The following NPAS3 variants were observed in gnomAD, a reference collection of about 807,000 sequenced individuals.
The protein encoded by NPAS3 is neuronal PAS domain protein 3.
Under a neutral mutation model 73.1 loss-of-function variants are expected in NPAS3, and 14 were observed. That is an observed-to-expected ratio of 0.19 (90% CI 0.13 to 0.30). NPAS3 has a LOEUF of 0.30. Ranked by LOEUF, NPAS3 falls within the 10% of genes least tolerant of loss-of-function variation. The probability of loss-of-function intolerance (pLI) is 1.00; values close to 1 mark genes in which losing one functional copy is unlikely to be tolerated. For missense variants in NPAS3, 1,096 were observed against 1,250.0 expected (o/e 0.88, Z 1.86); for synonymous variants, 620 against 541.5 (o/e 1.14, Z -2.01).
chr14:33,367,637 T>C (rs1347487229), intron 4 of NPAS3, among the ~76,000 whole-genome samples: 1 of 151,302 alleles, frequency 6.6e-6, no homozygotes, highest in Non-Finnish European at 1.5e-5. Context: ...AGCAAAGTTT[T>C]GTTGTGAAAG....
chr14:33,603,602 A>G (rs1648103859), intron 5 of NPAS3, among the ~76,000 whole-genome samples: 1 of 152,198 alleles, frequency 6.6e-6, no homozygotes, highest in African/African-American at 2.4e-5. Flanking sequence ...TAGATGCAGA[A>G]CAATGAGAAG....
intron 1 of NPAS3, among the ~76,000 whole-genome samples, chr14:32,986,750 C>T (rs891775963): frequency 1.3e-5 from 2 of 152,122 alleles, no homozygotes; most frequent in Non-Finnish European, 2.9e-5. Context: ...TTAACAGCAG[C>T]GTTGTAGCTT....
intron 5 of NPAS3, among the ~76,000 whole-genome samples, chr14:33,582,404 A>G (rs1322727470): frequency 2.6e-5 from 4 of 152,200 alleles, no homozygotes; most frequent in African/African-American, 4.8e-5. Context: ...TAGAGAAGCA[A>G]TGTGGTTTTT....
chr14:33,622,496 A>T (rs909442825), intron 5 of NPAS3, among the ~76,000 whole-genome samples: 3 of 152,200 alleles, frequency 2.0e-5, no homozygotes, highest in Non-Finnish European at 4.4e-5. Flanking sequence ...TGTTTCCCTC[A>T]TGAGAAAATT....
At chr14:33,685,725 CATT>C (rs1384382565) in intron 6 of NPAS3, among the ~76,000 whole-genome samples, 1 of 152,208 alleles carries the variant, frequency 6.6e-6, no homozygotes, top group African/African-American at 2.4e-5. Flanking sequence ...ATTCTGATAA[CATT>C]AATGATATAT....
intron 5 of NPAS3, among the ~76,000 whole-genome samples, chr14:33,672,814 A>G (rs934597498): frequency 4.6e-5 from 7 of 152,204 alleles, no homozygotes; most frequent in Non-Finnish European, 5.9e-5. Context: ...AAACTTGAAC[A>G]TGCATTTTAA....
At chr14:33,409,682 A>G (rs1323615770) in intron 4 of NPAS3, among the ~76,000 whole-genome samples, 1 of 152,202 alleles carries the variant, frequency 6.6e-6, no homozygotes, top group Non-Finnish European at 1.5e-5. Flanking sequence ...TTCATTAGCT[A>G]TGATTCCAGA....
At chr14:33,564,759 C>A (rs1361303690) in intron 5 of NPAS3, among the ~76,000 whole-genome samples, 1 of 152,152 alleles carries the variant, frequency 6.6e-6, no homozygotes, top group African/African-American at 2.4e-5. Flanking sequence ...TGAGGTGAGA[C>A]AGGATAATTC....
chr14:33,544,869 A>G (rs1009637974), intron 4 of NPAS3, among the ~76,000 whole-genome samples: 4 of 136,574 alleles, frequency 2.9e-5, no homozygotes, highest in African/African-American at 8.4e-5. Context: ...TATAATATAT[A>G]TATGTATGTA....
At chr14:33,430,041 T>C (rs1356508162) in intron 4 of NPAS3, among the ~76,000 whole-genome samples, 1 of 152,114 alleles carries the variant, frequency 6.6e-6, no homozygotes, top group East Asian at 1.9e-4. Flanking sequence ...GTTAGTGTCA[T>C]TTATGGAGCT....
At position 33,580,645 on chromosome 14, in the gene NPAS3, T is replaced by C. The variant is rs535227934; in HGVS notation, c.558+20435T>C. Reference sequence around the variant, plus strand: ...TTTCTTTACAACTGAGGAAATAATCTTTACGACTATAAAACAAAATTGCTC... The same window carrying C: ...TTTCTTTACAACTGAGGAAATAATCCTTACGACTATAAAACAAAATTGCTC... On this transcript the variant is annotated intron_variant, in intron 5 of 11. Coordinates refer to ENST00000356141, the Ensembl canonical transcript of NPAS3. 7.2e-5 allele frequency among the ~76,000 whole-genome samples: 11 copies of C among 152,246 alleles called. No homozygotes were observed. The East Asian group carries it at 2.1e-3, about 29-fold the overall frequency.
At chr14:33,292,700 C>T (rs1424300550) in intron 3 of NPAS3, among the ~76,000 whole-genome samples, 2 of 152,068 alleles carry the variant, frequency 1.3e-5, no homozygotes, top group African/African-American at 4.8e-5. Context: ...AGTAGAACTT[C>T]TTTAGTTGTT....
chr14:33,628,063 C>G (rs1238537940), intron 5 of NPAS3, among the ~76,000 whole-genome samples: 2 of 152,200 alleles, frequency 1.3e-5, no homozygotes, highest in Non-Finnish European at 2.9e-5. Flanking sequence ...GCCATAAAGC[C>G]TGCATCACAG....
chr14:33,360,336 C>T (rs2045538698), intron 3 of NPAS3, among the ~76,000 whole-genome samples: 2 of 142,810 alleles, frequency 1.4e-5, no homozygotes, highest in South Asian at 5.1e-4. Flanking sequence ...CAGACTTCCC[C>T]AAATTGGGTG....
At chr14:33,008,377 C>G (rs111688517) in intron 1 of NPAS3, among the ~76,000 whole-genome samples, 1,728 of 152,162 alleles carry the variant, frequency 0.011, 28 homozygotes, top group African/African-American at 0.039. Flanking sequence ...CAGAAGAATA[C>G]AGTATATTTT....
At chr14:33,459,448 A>T (rs2050160942) in intron 4 of NPAS3, among the ~76,000 whole-genome samples, 1 of 152,230 alleles carries the variant, frequency 6.6e-6, no homozygotes, top group African/African-American at 2.4e-5. Flanking sequence ...CTGCACATTT[A>T]GTTGATTGAG....
At chr14:33,017,919 G>T (rs2138233937) in intron 1 of NPAS3, among the ~76,000 whole-genome samples, 1 of 152,148 alleles carries the variant, frequency 6.6e-6, no homozygotes, top group African/African-American at 2.4e-5. Context: ...CATAACATTT[G>T]TACTTTTATT....
chr14:33,458,609 T>A (rs2050121980), intron 4 of NPAS3, among the ~76,000 whole-genome samples: 1 of 152,232 alleles, frequency 6.6e-6, no homozygotes, highest in Non-Finnish European at 1.5e-5. Context: ...AACAGAAATT[T>A]AACATCTTTG....
chr14:33,232,752 G>A (rs1012732926), intron 3 of NPAS3, among the ~76,000 whole-genome samples: 1 of 152,010 alleles, frequency 6.6e-6, no homozygotes, highest in Non-Finnish European at 1.5e-5. Context: ...ACATTTCATG[G>A]TCTTGTTCAA....
Sources: allele counts gnomAD v4.1 joint callset (sites outside exome capture counted in the v4.1 genomes callset), GRCh38; gene constraint gnomAD v4.1.1; transcripts MANE v1.5; gene names NCBI Gene and HGNC (gene_info 2026-07-23, HGNC 2026-07-21).